FOXP2: variants seen among roughly 807,000 people sequenced by gnomAD.
The protein encoded by FOXP2 is forkhead box protein P2.
A neutral mutation model predicts 115.8 loss-of-function variants in FOXP2; 12 were observed. The observed-to-expected ratio is 0.10, with a 90% CI of 0.07 to 0.17. The LOEUF is 0.17. Ranked by LOEUF, FOXP2 falls within the 10% of genes least tolerant of loss-of-function variation. The probability of loss-of-function intolerance (pLI) is 1.00; values close to 1 mark genes in which losing one functional copy is unlikely to be tolerated. For synonymous variants in FOXP2, 328 were observed against 297.7 expected (o/e 1.10, Z -1.05); for missense variants, 629 against 843.5 (o/e 0.75, Z 3.15).
chr7:114,579,939 G>A (rs979532912), intron 3 of FOXP2, among the ~76,000 whole-genome samples: 2 of 152,148 alleles, frequency 1.3e-5, no homozygotes, highest in African/African-American at 4.8e-5. Context: ...TTCAATCATT[G>A]TACTGAGGAA....
At chr7:114,371,522 G>C (rs990216156) in intron 2 of FOXP2, among the ~76,000 whole-genome samples, 2 of 152,024 alleles carry the variant, frequency 1.3e-5, no homozygotes, top group Non-Finnish European at 2.9e-5. Context: ...CATTGTATTT[G>C]ATGTAAAAGA....
chr7:114,558,051 C>A (rs1459034570), intron 3 of FOXP2, among the ~76,000 whole-genome samples: 3 of 152,096 alleles, frequency 2.0e-5, no homozygotes, highest in African/African-American at 7.2e-5. Context: ...TCGTGATCCA[C>A]CCACCTTGGC....
At chr7:114,153,854 CA>C (rs1792588648) in intron 1 of FOXP2, among the ~76,000 whole-genome samples, 1 of 152,112 alleles carries the variant, frequency 6.6e-6, no homozygotes. Flanking sequence ...GCTTCAGTTT[CA>C]AATACCTTGA....
intron 4 of FOXP2, 183 bp from the exon 5 acceptor site, chr7:114,629,622 A>G: frequency 6.4e-7 from 1 of 1,573,888 alleles, no homozygotes; most frequent in Non-Finnish European, 8.6e-7. Flanking sequence ...GGAAAATTTC[A>G]GAGCTGCCTT....
chr7:114,238,813 C>T (rs1795077822), intron 1 of FOXP2, among the ~76,000 whole-genome samples: 1 of 151,662 alleles, frequency 6.6e-6, no homozygotes, highest in Admixed American at 6.6e-5. Flanking sequence ...ACAGCTCTTT[C>T]AGTAACCTCT....
At chr7:114,580,126 T>TA in intron 3 of FOXP2, among the ~76,000 whole-genome samples, 1 of 152,232 alleles carries the variant, frequency 6.6e-6, no homozygotes, top group East Asian at 1.9e-4. Context: ...GTAACATAAC[T>TA]AGACCATCCT....
intron 1 of FOXP2, among the ~76,000 whole-genome samples, chr7:114,140,372 A>G (rs1246518147): frequency 2.0e-5 from 3 of 152,148 alleles, no homozygotes; most frequent in African/African-American, 7.2e-5. Context: ...TGTTCTGTCC[A>G]TTGAGGTGAA....
chr7:114,465,161 CG>C, intron 2 of FOXP2, among the ~76,000 whole-genome samples: 1 of 152,150 alleles, frequency 6.6e-6, no homozygotes, highest in South Asian at 2.1e-4. Context: ...GATGAGGTGT[CG>C]CCGTGTTGCC....
intron 2 of FOXP2, among the ~76,000 whole-genome samples, chr7:114,464,133 T>A (rs1425057471): frequency 1.3e-5 from 2 of 152,134 alleles, no homozygotes; most frequent in Non-Finnish European, 2.9e-5. Context: ...ATGAGGTTTG[T>A]GAAACTGCAG....
chr7:114,356,328 T>G (rs1046786346), intron 2 of FOXP2, among the ~76,000 whole-genome samples: 1 of 152,190 alleles, frequency 6.6e-6, no homozygotes, highest in African/African-American at 2.4e-5. Context: ...GGAAATGATT[T>G]CATGAAATGA....
At chr7:114,682,987 C>A (rs1210851866) in intron 16 of FOXP2, among the ~76,000 whole-genome samples, 2 of 152,022 alleles carry the variant, frequency 1.3e-5, no homozygotes, top group African/African-American at 4.8e-5. Flanking sequence ...ATATTGATGG[C>A]AAATAGATCT....
chr7:114,253,384 C>A (rs143644604), intron 1 of FOXP2, among the ~76,000 whole-genome samples: 1 of 152,026 alleles, frequency 6.6e-6, no homozygotes, highest in Non-Finnish European at 1.5e-5. Context: ...CTAATGTTGA[C>A]AGTGGGGCGT....
At chr7:114,606,055 C>T (rs186167541) in intron 3 of FOXP2, among the ~76,000 whole-genome samples, 482 of 152,126 alleles carry the variant, frequency 3.2e-3, no homozygotes, top group Middle Eastern at 0.014. Context: ...ACCAAGAAGG[C>T]GTTGGACTGA....
intron 1 of FOXP2, among the ~76,000 whole-genome samples, chr7:114,252,429 T>C (rs986933188): frequency 2.1e-4 from 32 of 152,256 alleles, no homozygotes; most frequent in Non-Finnish European, 3.7e-4. Context: ...TCCTGGACTT[T>C]TTTTGGTTGG....
chr7:114,600,355 C>A (rs910849768), intron 3 of FOXP2, among the ~76,000 whole-genome samples: 1 of 152,136 alleles, frequency 6.6e-6, no homozygotes, highest in Non-Finnish European at 1.5e-5. Context: ...CATGATAGAT[C>A]AGTTTTTTTT....
chr7:114,657,563 C>T (rs991296070), intron 10 of FOXP2, among the ~76,000 whole-genome samples: 1 of 152,018 alleles, frequency 6.6e-6, no homozygotes, highest in African/African-American at 2.4e-5. Flanking sequence ...ACCAAATTAG[C>T]AAGGAGACTA....
chr7:114,573,471 G>GTC (rs1801421623), intron 3 of FOXP2, among the ~76,000 whole-genome samples: 1 of 151,782 alleles, frequency 6.6e-6, no homozygotes, highest in Admixed American at 6.6e-5. Flanking sequence ...GAAGAAAGAG[G>GTC]TCAAAAAGAT....
intron 2 of FOXP2, among the ~76,000 whole-genome samples, chr7:114,362,814 C>T (rs1349205707): frequency 1.3e-5 from 2 of 152,044 alleles, no homozygotes; most frequent in Non-Finnish European, 2.9e-5. Flanking sequence ...TTGACAAAAT[C>T]TTTGAAAATA....
intron 1 of FOXP2, among the ~76,000 whole-genome samples, chr7:114,251,353 T>G (rs1236845809): frequency 2.6e-5 from 4 of 152,232 alleles, no homozygotes; most frequent in Non-Finnish European, 5.9e-5. Flanking sequence ...GGTAGCTTGA[T>G]GGGGATGACA....
Sources: gnomAD v4.1 joint callset for allele counts (sites outside exome capture counted in the v4.1 genomes callset) on GRCh38, gnomAD v4.1.1 for gene constraint, MANE v1.5 for transcripts, NCBI Gene and HGNC (gene_info 2026-07-23, HGNC 2026-07-21) for gene names.